The following PREX1 variants were observed in gnomAD, a reference collection of about 807,000 sequenced individuals.
PREX1 encodes the protein phosphatidylinositol 3,4,5-trisphosphate-dependent Rac exchanger 1 protein.
PREX1 carries 41 observed loss-of-function variants against 198.3 expected under a neutral mutation model. The observed-to-expected ratio is 0.21, with a 90% confidence interval of 0.16 to 0.27. The LOEUF is 0.27. Ranked by LOEUF, PREX1 falls within the 10% of genes least tolerant of loss-of-function variation. PREX1 has a pLI of 1.00. For missense variants in PREX1, 1,620 were observed against 2,200.7 expected (o/e 0.74, Z 5.28); for synonymous variants, 843 against 887.2 (o/e 0.95, Z 0.89).
chr20:48,641,817 A>T (rs973795293), intron 29 of PREX1, among the ~76,000 whole-genome samples: 6 of 133,946 alleles, frequency 4.5e-5, no homozygotes, highest in Non-Finnish European at 9.3e-5. Flanking sequence ...AAAGAAAGAA[A>T]GAAAGAAAGA....
chr20:48,854,785 T>C, the PREX1 span, among the ~76,000 whole-genome samples: 1 of 152,206 alleles, frequency 6.6e-6, no homozygotes, highest in Non-Finnish European at 1.5e-5. Flanking sequence ...ACAGTCTGAT[T>C]CTAGAGCCTC....
chr20:48,651,687 G>T, intron 21 of PREX1, 104 bp from the exon 22 acceptor site: 1 of 1,113,758 alleles, frequency 9.0e-7, no homozygotes, highest in Non-Finnish European at 1.3e-6. Context: ...GGAACAGCAA[G>T]TGCAAAGGCC....
chr20:48,839,071 G>GA, the PREX1 span, among the ~76,000 whole-genome samples: 206 of 151,462 alleles, frequency 1.4e-3, no homozygotes, highest in Non-Finnish European at 2.3e-3. Context: ...TGGGGAGTGG[G>GA]ATAATTATGG....
intron 1 of PREX1, among the ~76,000 whole-genome samples, chr20:48,751,021 G>A (rs1405800747): frequency 6.6e-6 from 1 of 152,236 alleles, no homozygotes; most frequent in African/African-American, 2.4e-5. Flanking sequence ...CCTGAAGGCA[G>A]GGACCCTGCC....
intron 1 of PREX1, among the ~76,000 whole-genome samples, chr20:48,787,237 C>T (rs1164783020): frequency 2.0e-5 from 3 of 152,192 alleles, no homozygotes; most frequent in Non-Finnish European, 4.4e-5. Context: ...GAAACAGACC[C>T]TGACACTCGT....
At chr20:48,681,816 A>C (rs2089753410) in intron 10 of PREX1, among the ~76,000 whole-genome samples, 1 of 152,154 alleles carries the variant, frequency 6.6e-6, no homozygotes, top group African/African-American at 2.4e-5. Context: ...TGGATGAAGA[A>C]GAGAGTGAGT....
intron 1 of PREX1, among the ~76,000 whole-genome samples, chr20:48,799,124 C>T (rs1240907482): frequency 6.6e-6 from 1 of 152,156 alleles, no homozygotes; most frequent in Non-Finnish European, 1.5e-5. Context: ...TCAAGTGATC[C>T]GCCCACCTCA....
At chr20:48,879,147 C>A in the PREX1 span, among the ~76,000 whole-genome samples, 1 of 152,110 alleles carries the variant, frequency 6.6e-6, no homozygotes, top group Admixed American at 6.5e-5. Flanking sequence ...TCACTTGTAA[C>A]CAAGAGACCA....
chr20:48,863,251 G>A, the PREX1 span, among the ~76,000 whole-genome samples: 1 of 152,096 alleles, frequency 6.6e-6, no homozygotes, highest in East Asian at 1.9e-4. Context: ...TTGTATTAGT[G>A]CAGTACATTT....
At chr20:48,663,396 G>A (rs964168684) in intron 15 of PREX1, among the ~76,000 whole-genome samples, 6 of 152,190 alleles carry the variant, frequency 3.9e-5, no homozygotes, top group African/African-American at 7.2e-5. Flanking sequence ...GTGTGGTGGC[G>A]CATGCCTGTA....
At chr20:48,842,799 G>A in the PREX1 span, among the ~76,000 whole-genome samples, 1 of 151,714 alleles carries the variant, frequency 6.6e-6, no homozygotes, top group African/African-American at 2.4e-5. Flanking sequence ...TCACTTCTTG[G>A]GGGCCCCAGT....
chr20:48,726,819 G>T (rs960675510), intron 4 of PREX1, among the ~76,000 whole-genome samples: 6 of 152,188 alleles, frequency 3.9e-5, no homozygotes, highest in Admixed American at 3.9e-4. Context: ...AGTAAAAAAT[G>T]GGACGCGACC....
the PREX1 span, among the ~76,000 whole-genome samples, chr20:48,860,395 T>C: frequency 6.6e-6 from 1 of 152,198 alleles, no homozygotes; most frequent in African/African-American, 2.4e-5. Flanking sequence ...AGTTGTTTAA[T>C]GGGCATGGAG....
chr20:48,685,219 G>A (rs2089777335), intron 10 of PREX1, among the ~76,000 whole-genome samples: 1 of 152,232 alleles, frequency 6.6e-6, no homozygotes, highest in Non-Finnish European at 1.5e-5. Flanking sequence ...GTGAATGAAT[G>A]AGTGAATCTG....
At position 48,632,318 on chromosome 20, in the gene PREX1, C is replaced by G. The variant is rs768896615; in HGVS notation, c.4485G>C (p.Ala1495=). The stretch of plus-strand genomic sequence containing the variant: ...ACTGCTGAACTTTCTCCAGGGACTG[C>G]GCGTTGATGTCCTGCTGCAAATCCT... ...AAEDLQQDIN[A]QSLEKVQQYY... The change falls in exon 35 of 40, where the codon GCG becomes GCC. Residue 1495 remains alanine, a synonymous_variant. Transcript: ENST00000371941. 4 of 1,614,072 alleles carry G rather than the reference C, an allele frequency of 2.5e-6. No individual in the cohort carries two copies. Among genetic ancestry groups the G allele is most frequent in the Non-Finnish European group, 3.4e-6 (4 of 1,180,016 alleles).
intron 5 of PREX1, among the ~76,000 whole-genome samples, chr20:48,717,887 T>G (rs2089969208): frequency 6.6e-6 from 1 of 152,188 alleles, no homozygotes. Context: ...TCTGTGCCTA[T>G]GCCTCTTGGG....
At chr20:48,837,751 G>T in the PREX1 span, among the ~76,000 whole-genome samples, 1 of 151,870 alleles carries the variant, frequency 6.6e-6, no homozygotes, top group East Asian at 1.9e-4. Flanking sequence ...AAAATTGTCT[G>T]CACAACACAC....
At chr20:48,719,026 T>G (rs1450769638) in intron 5 of PREX1, among the ~76,000 whole-genome samples, 2 of 152,200 alleles carry the variant, frequency 1.3e-5, no homozygotes, top group Non-Finnish European at 2.9e-5. Context: ...TTTCATGAGT[T>G]TTTTCATGCA....
chr20:48,690,704 GAAGACCTTCGGGC>G (rs763273335), intron 9 of PREX1, among the ~76,000 whole-genome samples: 2 of 152,202 alleles, frequency 1.3e-5, no homozygotes, highest in Admixed American at 6.5e-5. Context: ...GCTTAAGGGT[GAAGACCTTCGGGC>G]AAGACCCTTC....
Sources: gnomAD v4.1 joint callset for allele counts (sites outside exome capture counted in the v4.1 genomes callset) on GRCh38, gnomAD v4.1.1 for gene constraint, MANE v1.5 for transcripts, NCBI Gene and HGNC (gene_info 2026-07-23, HGNC 2026-07-21) for gene names.